Variants in ATP2B4 observed in about 807,000 individuals in gnomAD.
ATP2B4 encodes ATPase plasma membrane Ca2+ transporting 4.
Under a neutral mutation model 110.3 loss-of-function variants are expected in ATP2B4, and 39 were observed. The observed-to-expected ratio is 0.35, with a 90% CI of 0.27 to 0.46. ATP2B4 has a LOEUF of 0.46. Among genes scored for constraint, ATP2B4 ranks in the 20% least tolerant of loss-of-function variants. ATP2B4 has a pLI of 1.00. For missense variants in ATP2B4, 1,135 were observed against 1,530.9 expected, an observed-to-expected ratio of 0.74 and a Z score of 4.32; for synonymous variants, 538 against 571.7, an observed-to-expected ratio of 0.94 and a Z score of 0.84.
intron 11 of ATP2B4, 54 bp downstream of exon 11, chr1:203,709,596 A>G (rs1665947365): frequency 2.5e-6 from 4 of 1,608,806 alleles, no homozygotes; most frequent in South Asian, 2.2e-5. Flanking sequence ...TCAGGAAGGC[A>G]TGGGTGCACA....
chr1:203,654,589 G>C (rs1664101443), intron 1 of ATP2B4, among the ~76,000 whole-genome samples: 1 of 152,168 alleles, frequency 6.6e-6, no homozygotes, highest in African/African-American at 2.4e-5. Flanking sequence ...CATTCTAGAG[G>C]CCATTAAGAA....
chr1:203,686,685 C>CTTTCTTTTTTTTTTTTTTT (rs1665193795), intron 2 of ATP2B4, among the ~76,000 whole-genome samples: 1 of 42,776 alleles, frequency 2.3e-5, no homozygotes, highest in East Asian at 2.2e-3. Flanking sequence ...TCTTTTCTTT[C>CTTTCTTTTTTTTTTTTTTT]TTTTTTTTTT....
At chr1:203,684,190 A>G (rs970647107) in intron 2 of ATP2B4, among the ~76,000 whole-genome samples, 1 of 152,088 alleles carries the variant, frequency 6.6e-6, no homozygotes, top group African/African-American at 2.4e-5. Flanking sequence ...CAGCTGCCCA[A>G]TTGAGCACTT....
intron 7 of ATP2B4, 51 bp from the exon 8 acceptor site, chr1:203,703,601 C>T: frequency 1.3e-6 from 2 of 1,572,372 alleles, no homozygotes; most frequent in Non-Finnish European, 1.7e-6. Flanking sequence ...GCCTGCCACT[C>T]AGTGCTACCA....
At chr1:203,632,445 G>A (rs1158055244) in intron 1 of ATP2B4, among the ~76,000 whole-genome samples, 2 of 151,538 alleles carry the variant, frequency 1.3e-5, no homozygotes, top group African/African-American at 2.4e-5. Context: ...CCGGGTTCAC[G>A]CCATTCTCCT....
intron 2 of ATP2B4, among the ~76,000 whole-genome samples, chr1:203,697,761 C>T (rs1424954037): frequency 1.3e-5 from 2 of 152,134 alleles, no homozygotes; most frequent in Non-Finnish European, 2.9e-5. Context: ...AGTGCAATGA[C>T]GTGATCACTG....
At chr1:203,671,733 C>CA (rs1390731392) in intron 1 of ATP2B4, among the ~76,000 whole-genome samples, 1 of 152,212 alleles carries the variant, frequency 6.6e-6, no homozygotes, top group Non-Finnish European at 1.5e-5. Flanking sequence ...TAAGGGTCCT[C>CA]ACCACCTTGA....
chr1:203,736,015 T>C (rs1278939717), intron 20 of ATP2B4, among the ~76,000 whole-genome samples: 1 of 152,186 alleles, frequency 6.6e-6, no homozygotes, highest in East Asian at 1.9e-4. Context: ...GCCTTTTTAG[T>C]TGGAGCTCCT....
rs190299729 is a variant in ATP2B4, at chr1:203,657,252, G to C, written c.-464-25490G>C. ...TGGCCTGATCAGTCTTTCTTATTTAGGTGGTTTTCTTGTAAAGCCATCTCC... is the reference window on the plus strand; with the variant it reads ...TGGCCTGATCAGTCTTTCTTATTTACGTGGTTTTCTTGTAAAGCCATCTCC... On this transcript the variant is annotated intron_variant, in intron 1 of 20. Transcript: ENST00000357681. 6.3e-5 allele frequency: 45 copies of C among 714,546 alleles called. No homozygotes were observed. The East Asian group carries it at 1.0e-3, about 16-fold the overall frequency. 44.3% of individuals were successfully genotyped at this position (714,546 alleles called of 1,614,324 possible). A position where few individuals can be genotyped will look rare whatever the true frequency, so the allele number is the denominator to read the frequency against.
At position 203,691,857 on chromosome 1, in the gene ATP2B4, GGTT is replaced by G. The variant is rs544266891; in HGVS notation, c.194-6295_194-6293del. Among the ~76,000 whole-genome samples, 123 of 152,198 alleles carry G rather than the reference GGTT, an allele frequency of 8.1e-4. 1 individual carries two copies. Among genetic ancestry groups the G allele is most frequent in the African/African-American group, 2.9e-3 (122 of 41,510 alleles). On this transcript the variant is annotated intron_variant, in intron 2 of 20. Transcript: ENST00000357681. ...CCTCCCCCTCAGTCCCCAAATCCAG[GGTT>G]GTTGGGGTTTTTTAAAATTAATTTT... is the stretch of plus-strand genomic sequence containing the variant.
intron 1 of ATP2B4, among the ~76,000 whole-genome samples, chr1:203,677,483 G>A (rs749034089): frequency 6.6e-6 from 1 of 152,160 alleles, no homozygotes; most frequent in Non-Finnish European, 1.5e-5. Context: ...GTTTGTTTCT[G>A]AAGCAGAGTC....
At chr1:203,718,264 A>AATTTT (rs140862881) in intron 15 of ATP2B4, among the ~76,000 whole-genome samples, 1,504 of 149,750 alleles carry the variant, frequency 0.01, 9 homozygotes, top group Admixed American at 0.016. Flanking sequence ...ATAACTTTCT[A>AATTTT]ATTTTATTTT....
chr1:203,639,819 TGGGATGCCCAGA>T (rs1663573278), intron 1 of ATP2B4, among the ~76,000 whole-genome samples: 3 of 152,208 alleles, frequency 2.0e-5, no homozygotes, highest in Admixed American at 2.0e-4. Context: ...GTTCTGTTGC[TGGGATGCCCAGA>T]GGAATCCAAA....
In ATP2B4 at chr1:203,740,032, A is replaced by C; in HGVS notation, c.*178A>C. The C allele has an allele frequency of 4.1e-6, 3 of 724,812 alleles. No individual in the cohort carries two copies. Among genetic ancestry groups the C allele is most frequent in the Non-Finnish European group, 6.5e-6 (3 of 458,082 alleles). The allele number at this position is 724,812 out of a possible 1,614,324, so 44.9% of individuals were successfully genotyped here. ...AAGAGCACAGACTTACAAGGATTTC[A>C]ACTTAAGCTTGACTTGGGGTTTGTA... On this transcript the variant is annotated 3_prime_UTR_variant, in exon 21 of 21. Transcript: ENST00000357681.
At chr1:203,721,868 G>A (rs898812359) in intron 17 of ATP2B4, among the ~76,000 whole-genome samples, 4 of 151,714 alleles carry the variant, frequency 2.6e-5, no homozygotes, top group East Asian at 3.9e-4. Context: ...TCATCATGTT[G>A]GCCAGGCTGG....
chr1:203,718,456 A>G (rs1666224007), intron 15 of ATP2B4, among the ~76,000 whole-genome samples: 1 of 151,868 alleles, frequency 6.6e-6, no homozygotes, highest in African/African-American at 2.4e-5. Flanking sequence ...GTGCCACCAC[A>G]CCCTGCTAAT....
chr1:203,650,751 G>A (rs1214154839), intron 1 of ATP2B4, among the ~76,000 whole-genome samples: 1 of 152,230 alleles, frequency 6.6e-6, no homozygotes, highest in Non-Finnish European at 1.5e-5. Context: ...GTCCCGCACA[G>A]GGCAGCTTCC....
At position 203,714,285 on chromosome 1, in the gene ATP2B4, C is replaced by T. The variant is rs1344398194; in HGVS notation, c.2406+8C>T. 6.2e-7 allele frequency: 1 copy of T among 1,613,922 alleles called. No individual in the cohort carries two copies. The highest frequency in any genetic ancestry group is 8.5e-7 in the Non-Finnish European group (1 of 1,179,906). On this transcript the variant is annotated splice_region_variant and intron_variant, in intron 15 of 20. Transcript: ENST00000357681. ...GATGTTGGTTTTGCCATGGTAAGCT[C>T]AGCACAGTGTCTCTCTGATTGCAAG...
At chr1:203,630,380 T>G (rs913077267) in intron 1 of ATP2B4, among the ~76,000 whole-genome samples, 3 of 150,530 alleles carry the variant, frequency 2.0e-5, no homozygotes, top group African/African-American at 4.9e-5. Flanking sequence ...TTTTTTTTTT[T>G]TTTTTTTCAA....
Sources: gnomAD v4.1 joint callset for allele counts (sites outside exome capture counted in the v4.1 genomes callset) on GRCh38, gnomAD v4.1.1 for gene constraint, MANE v1.5 for transcripts, NCBI Gene and HGNC (gene_info 2026-07-23, HGNC 2026-07-21) for gene names.